IMMP2L: variants seen among roughly 807,000 people sequenced by gnomAD.
The protein encoded by IMMP2L is inner mitochondrial membrane peptidase subunit 2, also known as mitochondrial inner membrane protease subunit 2.
In IMMP2L, 18 loss-of-function variants were observed where a neutral mutation model predicts 19.3. The observed-to-expected ratio is 0.93, with a 90% CI of 0.64 to 1.38. IMMP2L has a LOEUF of 1.38. IMMP2L is among the 40% of genes most tolerant of loss of function. The pLI, the probability that IMMP2L is intolerant of heterozygous loss-of-function variation, is 0.00. For synonymous variants in IMMP2L, 76 were observed against 73.0 expected (o/e 1.04, Z -0.21); for missense variants, 233 against 218.2 (o/e 1.07, Z -0.43).
chr7:111,463,176 C>CGT (rs200916257), intron 3 of IMMP2L, among the ~76,000 whole-genome samples: 2,695 of 149,546 alleles, frequency 0.018, 67 homozygotes, highest in East Asian at 0.061. Flanking sequence ...CATCATCTTC[C>CGT]GTGTGTGTGT....
At chr7:110,664,119 C>G (rs1791263240) in intron 5 of IMMP2L, among the ~76,000 whole-genome samples, 1 of 152,100 alleles carries the variant, frequency 6.6e-6, no homozygotes, top group African/African-American at 2.4e-5. Flanking sequence ...CCATTAGCCT[C>G]AAGAGCCTAT....
intron 3 of IMMP2L, among the ~76,000 whole-genome samples, chr7:111,296,076 TC>T (rs1338226940): frequency 6.6e-6 from 1 of 150,720 alleles, no homozygotes; most frequent in African/African-American, 2.4e-5. Flanking sequence ...TAAAAATACA[TC>T]ATTTAAAAAT....
chr7:110,741,038 A>C (rs1280359068), intron 5 of IMMP2L, among the ~76,000 whole-genome samples: 1 of 152,244 alleles, frequency 6.6e-6, no homozygotes, highest in Non-Finnish European at 1.5e-5. Context: ...TTGCACATGC[A>C]TGTTTATAGC....
At chr7:110,948,069 T>C (rs1209890114) in intron 4 of IMMP2L, among the ~76,000 whole-genome samples, 1 of 152,194 alleles carries the variant, frequency 6.6e-6, no homozygotes, top group Admixed American at 6.5e-5. Context: ...CAAATTCTCA[T>C]TTGAATCCCA....
intron 2 of IMMP2L, among the ~76,000 whole-genome samples, chr7:111,506,866 G>C (rs879307382): frequency 6.6e-6 from 1 of 152,072 alleles, no homozygotes; most frequent in Non-Finnish European, 1.5e-5. Context: ...GTTTGAGACA[G>C]AGTCTCACGG....
intron 5 of IMMP2L, among the ~76,000 whole-genome samples, chr7:110,831,495 A>G (rs2131384620): frequency 6.6e-6 from 1 of 152,284 alleles, no homozygotes; most frequent in African/African-American, 2.4e-5. Context: ...ACCATATGGT[A>G]ATAACAAATT....
At chr7:110,693,592 C>A (rs369793622) in intron 5 of IMMP2L, among the ~76,000 whole-genome samples, 2 of 152,180 alleles carry the variant, frequency 1.3e-5, no homozygotes, top group Non-Finnish European at 2.9e-5. Flanking sequence ...TCAACAAACA[C>A]TTCCTGAATA....
intron 3 of IMMP2L, among the ~76,000 whole-genome samples, chr7:111,107,363 GT>G (rs1798665175): frequency 6.6e-6 from 1 of 151,972 alleles, no homozygotes; most frequent in Admixed American, 6.6e-5. Flanking sequence ...ACATTCTGTT[GT>G]AAACAGTTTA....
chr7:110,843,451 G>A (rs1183024473), intron 5 of IMMP2L, among the ~76,000 whole-genome samples: 1 of 152,024 alleles, frequency 6.6e-6, no homozygotes, highest in Non-Finnish European at 1.5e-5. Flanking sequence ...TGGGGCATTG[G>A]AGTTAAAAAT....
rs572053818 is a variant in IMMP2L, at chr7:111,160,127, T to C, written c.240-196562A>G. Reference sequence around the variant, plus strand: ...GCTAAATTCTTCTTCATCCCATAAATATGAGCAAACACAATAAATCAGTAT... The same window carrying C: ...GCTAAATTCTTCTTCATCCCATAAACATGAGCAAACACAATAAATCAGTAT... On this transcript the variant is annotated intron_variant, in intron 3 of 5. Coordinates refer to ENST00000405709, the MANE Select transcript of IMMP2L (RefSeq NM_032549.4). 2.6e-5 allele frequency among the ~76,000 whole-genome samples: 4 copies of C among 152,174 alleles called. No individual in the cohort carries two copies. In the East Asian group the frequency reaches 7.7e-4, roughly 29 times the overall value.
chr7:110,975,344 C>A (rs1026845784), intron 3 of IMMP2L, among the ~76,000 whole-genome samples: 4 of 152,132 alleles, frequency 2.6e-5, no homozygotes, highest in Non-Finnish European at 5.9e-5. Context: ...AATCTAGTCA[C>A]TTTCAAGTCA....
At chr7:111,532,004 CTT>C (rs1847436706) in intron 1 of IMMP2L, among the ~76,000 whole-genome samples, 1 of 151,570 alleles carries the variant, frequency 6.6e-6, no homozygotes, top group Admixed American at 6.6e-5. Context: ...AAAAAGCACT[CTT>C]TTTAGAAAAA....
intron 3 of IMMP2L, among the ~76,000 whole-genome samples, chr7:111,315,003 C>A (rs531474269): frequency 6.6e-6 from 1 of 151,958 alleles, no homozygotes; most frequent in Non-Finnish European, 1.5e-5. Flanking sequence ...CAAAGTAAAT[C>A]GGGAGGAAAA....
In IMMP2L at chr7:111,474,120, T is replaced by A. The variant is rs115974766; in HGVS notation, c.239+13118A>T. ...CTCACTTAAAAGTGGGAGCTAAACA[T>A]TGGTCACTCATGAACATAAAGATGG... On this transcript the variant is annotated intron_variant, in intron 3 of 5. Coordinates refer to ENST00000405709, the MANE Select transcript of IMMP2L (RefSeq NM_032549.4). 3.9e-5 allele frequency among the ~76,000 whole-genome samples: 6 copies of A among 152,114 alleles called. No homozygotes were observed. In the South Asian group the frequency reaches 1.0e-3, roughly 26 times the overall value.
At chr7:110,787,710 C>T (rs1349507559) in intron 5 of IMMP2L, among the ~76,000 whole-genome samples, 2 of 151,852 alleles carry the variant, frequency 1.3e-5, no homozygotes, top group Non-Finnish European at 2.9e-5. Context: ...TCACCTAAAA[C>T]ATTTTTCTGA....
At chr7:111,549,848 C>T (rs370435469) in intron 1 of IMMP2L, among the ~76,000 whole-genome samples, 2 of 150,170 alleles carry the variant, frequency 1.3e-5, no homozygotes, top group Admixed American at 6.7e-5. Context: ...GGCTGAGGCA[C>T]GAAAATCACT....
chr7:111,163,455 G>A (rs927639602), intron 3 of IMMP2L, among the ~76,000 whole-genome samples: 1 of 152,002 alleles, frequency 6.6e-6, no homozygotes, highest in African/African-American at 2.4e-5. Flanking sequence ...TTTAACTAGT[G>A]TCTAGCTTTG....
At chr7:111,506,260 T>C (rs1844891036) in intron 2 of IMMP2L, among the ~76,000 whole-genome samples, 1 of 151,682 alleles carries the variant, frequency 6.6e-6, no homozygotes, top group Non-Finnish European at 1.5e-5. Flanking sequence ...GAAATGCTCC[T>C]TCATAATAAG....
chr7:110,880,143 G>A (rs1381993138), intron 5 of IMMP2L, among the ~76,000 whole-genome samples: 2 of 152,076 alleles, frequency 1.3e-5, no homozygotes, highest in Non-Finnish European at 2.9e-5. Flanking sequence ...GATTCACCAA[G>A]TTAGACAAAT....
Sources: allele counts gnomAD v4.1 joint callset (sites outside exome capture counted in the v4.1 genomes callset), GRCh38; gene constraint gnomAD v4.1.1; transcripts MANE v1.5; gene names NCBI Gene and HGNC (gene_info 2026-07-23, HGNC 2026-07-21).